ITGA9: variants seen among roughly 807,000 people sequenced by gnomAD.
The protein encoded by ITGA9 is integrin subunit alpha 9, also known as integrin alpha-9.
Under a neutral mutation model 127.8 loss-of-function variants are expected in ITGA9, and 56 were observed. That is an observed-to-expected ratio of 0.44 (90% CI 0.35 to 0.55). The LOEUF (loss-of-function observed/expected upper bound fraction) is 0.55. Among genes scored for constraint, ITGA9 ranks in the 20% least tolerant of loss-of-function variants. The pLI is 0.00. For synonymous variants in ITGA9, 508 were observed against 514.5 expected (o/e 0.99, Z 0.17); for missense variants, 1,196 against 1,347.1 (o/e 0.89, Z 1.76).
At position 37,816,839 on chromosome 3, in the gene ITGA9, G is replaced by A. The variant is rs897062315; in HGVS notation, c.3010-2052G>A. Among the ~76,000 whole-genome samples the A allele has an allele frequency of 8.5e-5, 13 of 152,292 alleles. 1 individual carries two copies. The highest frequency in any genetic ancestry group is 6.8e-3 in the Middle Eastern group (2 of 294). ...TTGAGGATTGAAGCTCAGAACACAA[G>A]ACTCTTGCCAGTTGTTCTAAGAAAG... is the stretch of plus-strand genomic sequence containing the variant. On this transcript the variant is annotated intron_variant, in intron 27 of 27. Coordinates refer to ENST00000264741, the MANE Select transcript of ITGA9 (RefSeq NM_002207.3).
chr3:37,636,798 T>C (rs1700283581), intron 16 of ITGA9, among the ~76,000 whole-genome samples: 1 of 152,070 alleles, frequency 6.6e-6, no homozygotes, highest in African/African-American at 2.4e-5. Flanking sequence ...CCATCTTGAA[T>C]TAATTTTTGT....
At chr3:37,530,966 T>A (rs570879475) in intron 13 of ITGA9, among the ~76,000 whole-genome samples, 2 of 152,080 alleles carry the variant, frequency 1.3e-5, no homozygotes, top group African/African-American at 4.8e-5. Context: ...TTAGCCAGTA[T>A]GGTCTCGATC....
chr3:37,519,790 G>A (rs1449043586), intron 11 of ITGA9, among the ~76,000 whole-genome samples: 1 of 152,254 alleles, frequency 6.6e-6, no homozygotes, highest in African/African-American at 2.4e-5. Flanking sequence ...AAAACCAGGA[G>A]CCAGTTAGGA....
chr3:37,768,153 TACTC>T (rs1353337828), intron 23 of ITGA9, among the ~76,000 whole-genome samples: 1 of 152,206 alleles, frequency 6.6e-6, no homozygotes, highest in African/African-American at 2.4e-5. Context: ...TATGAAGAAA[TACTC>T]AATAGTAAAT....
chr3:37,708,809 G>A (rs1199639831), intron 18 of ITGA9, among the ~76,000 whole-genome samples: 6 of 152,148 alleles, frequency 3.9e-5, no homozygotes, highest in South Asian at 2.1e-4. Context: ...TCCCATTTCC[G>A]TACTCTTCAG....
intron 23 of ITGA9, among the ~76,000 whole-genome samples, chr3:37,762,433 G>A (rs755762074): frequency 4.0e-4 from 61 of 152,166 alleles, no homozygotes; most frequent in Admixed American, 1.9e-3. Flanking sequence ...GACATGTCAT[G>A]GGGGAGAGAA....
Position 37,511,988 on chromosome 3 carries a change from C to CT in ITGA9, c.898-1771dup, listed in dbSNP as rs1387998723. On this transcript the variant is annotated intron_variant, in intron 8 of 27. Coordinates refer to ENST00000264741, the MANE Select transcript of ITGA9 (RefSeq NM_002207.3). ...TCTTTCTTTTCTTTTCTTTTCTTTT[C>CT]TTTTCTTTTCTTTTCTTTTCTTTTC... Among the ~76,000 whole-genome samples the CT allele has an allele frequency of 4.0e-4, 10 of 24,932 alleles. 1 individual carries two copies. The East Asian group carries it at 0.026, about 65-fold the overall frequency. 16.4% of individuals were successfully genotyped at this position (24,932 alleles called of 152,430 possible).
chr3:37,707,610 A>G (rs1000567984), intron 18 of ITGA9, among the ~76,000 whole-genome samples: 1 of 152,164 alleles, frequency 6.6e-6, no homozygotes, highest in Non-Finnish European at 1.5e-5. Flanking sequence ...TGTCAGGATC[A>G]CCTGTGCACA....
chr3:37,482,286 G>A (rs984917300), intron 4 of ITGA9, among the ~76,000 whole-genome samples: 3 of 152,206 alleles, frequency 2.0e-5, no homozygotes, highest in Admixed American at 1.3e-4. Context: ...AGAGCTCCTC[G>A]CCAAGGGGCA....
chr3:37,817,113 C>T (rs1697444505), intron 27 of ITGA9, among the ~76,000 whole-genome samples: 1 of 152,208 alleles, frequency 6.6e-6, no homozygotes, highest in Non-Finnish European at 1.5e-5. Flanking sequence ...GTGATGCTTC[C>T]CTGGATGTTT....
intron 2 of ITGA9, among the ~76,000 whole-genome samples, chr3:37,472,455 A>G (rs568026605): frequency 6.6e-6 from 1 of 152,186 alleles, no homozygotes; most frequent in East Asian, 1.9e-4. Context: ...CTAGAGTGCA[A>G]TGGTACAATC....
rs1339329307 is a variant in ITGA9 at position 37,625,063 on chromosome 3, T to C, written c.1690-4124T>C. Among the ~76,000 whole-genome samples, 7 of 152,186 alleles carry C rather than the reference T, an allele frequency of 4.6e-5. No individual in the cohort carries two copies. The South Asian group carries it at 1.5e-3, about 32-fold the overall frequency. Reference sequence around the variant, plus strand: ...TGCCTATCAACTTGACTTCCCACCTTTGGGAGTCAGATGCAGTCCGCTGGA... The same window carrying C: ...TGCCTATCAACTTGACTTCCCACCTCTGGGAGTCAGATGCAGTCCGCTGGA... On this transcript the variant is annotated intron_variant, in intron 15 of 27. Coordinates refer to ENST00000264741, the MANE Select transcript of ITGA9 (RefSeq NM_002207.3).
chr3:37,771,440 G>T (rs1386635483), intron 23 of ITGA9, among the ~76,000 whole-genome samples: 1 of 152,218 alleles, frequency 6.6e-6, no homozygotes, highest in Non-Finnish European at 1.5e-5. Flanking sequence ...GACAACCTGA[G>T]TGACTACATG....
At chr3:37,686,422 G>A (rs770215125) in intron 18 of ITGA9, among the ~76,000 whole-genome samples, 10 of 152,226 alleles carry the variant, frequency 6.6e-5, no homozygotes, top group African/African-American at 1.4e-4. Context: ...CCCCTGTATC[G>A]TCATTGGCCA....
rs1697536414 is a variant in ITGA9 at position 37,823,424 on chromosome 3, T to C, written c.*4435T>C. ...GTCACGTGTATTAAAGTCTAAGCAG[T>C]CACTTCTGATTCACTTGCACTGTTT... On this transcript the variant is annotated 3_prime_UTR_variant, in exon 28 of 28. Transcript: ENST00000264741. 6.6e-6 allele frequency: 1 copy of C among 152,210 alleles called. No individual in the cohort carries two copies. Among genetic ancestry groups the C allele is most frequent in the Admixed American group, 6.5e-5 (1 of 15,274 alleles). The allele number at this position is 152,210 out of a possible 1,614,324, so 9.4% of individuals were successfully genotyped here.
At chr3:37,587,111 T>C (rs1699766552) in intron 15 of ITGA9, among the ~76,000 whole-genome samples, 1 of 152,216 alleles carries the variant, frequency 6.6e-6, no homozygotes, top group Non-Finnish European at 1.5e-5. Flanking sequence ...GAAAGTAGCA[T>C]ATCTATTTTC....
intron 20 of ITGA9, 37 bp downstream of exon 20, chr3:37,737,020 G>A: frequency 1.6e-6 from 2 of 1,284,768 alleles, no homozygotes; most frequent in South Asian, 2.4e-5. Flanking sequence ...TCAAAGATGA[G>A]AGATTTATGG....
chr3:37,735,752 TCA>T (rs914066446), intron 19 of ITGA9, among the ~76,000 whole-genome samples: 4 of 152,146 alleles, frequency 2.6e-5, no homozygotes, highest in Non-Finnish European at 5.9e-5. Context: ...TGCCCCCTAC[TCA>T]CAGGATGTTC....
intron 17 of ITGA9, among the ~76,000 whole-genome samples, chr3:37,681,065 G>A (rs1009764634): frequency 1.3e-5 from 2 of 152,084 alleles, no homozygotes; most frequent in Non-Finnish European, 2.9e-5. Context: ...TTCACGGATG[G>A]GTAATGAGGA....
Sources: allele counts gnomAD v4.1 joint callset (sites outside exome capture counted in the v4.1 genomes callset), GRCh38; gene constraint gnomAD v4.1.1; transcripts MANE v1.5; gene names NCBI Gene and HGNC (gene_info 2026-07-23, HGNC 2026-07-21).